The following LGR6 variants were observed in gnomAD, a reference collection of about 807,000 sequenced individuals.
The protein encoded by LGR6 is leucine rich repeat containing G protein-coupled receptor 6, also known as leucine-rich repeat-containing G protein-coupled receptor 6.
Under a neutral mutation model 69.4 loss-of-function variants are expected in LGR6, and 45 were observed. The observed-to-expected ratio is 0.65, with a 90% confidence interval of 0.51 to 0.83. LGR6 has a LOEUF of 0.83. LGR6 is among the 40% of genes least tolerant of loss of function. LGR6 has a pLI of 0.00. For synonymous variants in LGR6, 538 were observed against 555.0 expected (o/e 0.97, Z 0.43); for missense variants, 1,108 against 1,246.7 (o/e 0.89, Z 1.68).
chr1:202,238,690 T>C (rs1201989121), intron 4 of LGR6, among the ~76,000 whole-genome samples: 2 of 151,806 alleles, frequency 1.3e-5, no homozygotes, highest in Non-Finnish European at 2.9e-5. Flanking sequence ...CCCAAAGTGC[T>C]GGGATTACAG....
At chr1:202,214,350 C>T (rs1474657069) in intron 1 of LGR6, 16 of 1,082,450 alleles carry the variant, frequency 1.5e-5, no homozygotes, top group Non-Finnish European at 2.0e-5. Flanking sequence ...CGGGCCGGCC[C>T]TAATCCCCTT....
At position 202,318,601 on chromosome 1, in the gene LGR6, G is replaced by A. The variant is rs771171120; in HGVS notation, c.2298G>A (p.Val766=). 6 of 1,613,918 alleles carry A rather than the reference G, an allele frequency of 3.7e-6. No homozygotes were observed. The highest frequency in any genetic ancestry group is 4.2e-6 in the Non-Finnish European group (5 of 1,180,038). Residue 766 remains valine (V), a synonymous_variant, in exon 18 of 18, where the codon GTG becomes GTA. Coordinates refer to ENST00000367278, the MANE Select transcript of LGR6 (RefSeq NM_001017403.2). The stretch of plus-strand genomic sequence containing the variant: ...TGCCGCGGGGCGACTTTGAGGCCGT[G>A]TGGGACTGCGCCATGGTGAGGCACG... ...CDLPRGDFEA[V]WDCAMVRHVA... is the part of the protein sequence containing the mutation.
chr1:202,304,497 G>A, intron 10 of LGR6, 62 bp from the exon 11 acceptor site: 1 of 1,217,000 alleles, frequency 8.2e-7, no homozygotes, highest in East Asian at 2.4e-5. Flanking sequence ...AGCTGGAGCG[G>A]GGTGGCTGGG....
intron 5 of LGR6, among the ~76,000 whole-genome samples, chr1:202,279,308 C>T (rs1665828264): frequency 6.6e-6 from 1 of 152,286 alleles, no homozygotes; most frequent in African/African-American, 2.4e-5. Flanking sequence ...CTTCATGGAG[C>T]AGGTGGGTAA....
At chr1:202,223,423 C>T (rs1660302304) in intron 1 of LGR6, among the ~76,000 whole-genome samples, 1 of 152,138 alleles carries the variant, frequency 6.6e-6, no homozygotes, top group African/African-American at 2.4e-5. Context: ...ACACGCTCTC[C>T]AGGCTGTTCC....
chr1:202,207,584 G>A (rs1327463838), intron 1 of LGR6, among the ~76,000 whole-genome samples: 2 of 152,190 alleles, frequency 1.3e-5, no homozygotes, highest in African/African-American at 4.8e-5. Context: ...GATCCTGTGT[G>A]TGTTGGCCTC....
chr1:202,203,981 C>A lies in LGR6; in HGVS notation c.212+9780C>A, dbSNP rs1440205749. On this transcript the variant is annotated intron_variant, in intron 1 of 17. Transcript: ENST00000367278. ...CCAGGTAGTATTATGTTCACTATGT[C>A]TTTGTAGGGTGTGTGTGTCCCCATC... 1.4e-5 allele frequency: 11 copies of A among 789,498 alleles called. No individual in the cohort carries two copies. In the East Asian group the frequency reaches 2.5e-4, roughly 18 times the overall value. 48.9% of individuals were successfully genotyped at this position (789,498 alleles called of 1,614,324 possible). A position where few individuals can be genotyped will look rare whatever the true frequency, so the allele number is the denominator to read the frequency against.
chr1:202,242,128 A>G (rs976234684), intron 4 of LGR6, among the ~76,000 whole-genome samples: 33 of 152,184 alleles, frequency 2.2e-4, no homozygotes, highest in Non-Finnish European at 3.5e-4. Flanking sequence ...AGCACATTTC[A>G]ATATGCTAAG....
chr1:202,194,005 G>A lies in LGR6; in HGVS notation c.16G>A (p.Gly6Arg). The change falls in exon 1 of 18, where the codon GGG (glycine) becomes AGG (arginine). Residue 6 changes from glycine to arginine, a missense_variant. Gly to Arg is a moderately radical substitution (Grantham distance 125, BLOSUM62 -2). Coordinates refer to ENST00000367278, the MANE Select transcript of LGR6 (RefSeq NM_001017403.2). MPSPP[G>R]LRALWLCAAL... is the part of the protein sequence containing the mutation. ...GACCGCCGAGATGCCCAGCCCGCCG[G>A]GGCTCCGGGCGCTATGGCTTTGCGC... 1 of 1,376,994 alleles carries A rather than the reference G, an allele frequency of 7.3e-7. No homozygotes were observed. Among genetic ancestry groups the A allele is most frequent in the South Asian group, 1.6e-5 (1 of 61,954 alleles). 85.3% of individuals were successfully genotyped at this position (1,376,994 alleles called of 1,614,324 possible).
chr1:202,244,087 A>G (rs954968846), intron 4 of LGR6, among the ~76,000 whole-genome samples: 9 of 152,096 alleles, frequency 5.9e-5, no homozygotes, highest in Non-Finnish European at 1.2e-4. Flanking sequence ...CCTCCCAAGT[A>G]GCTGGGACTA....
chr1:202,205,782 C>T (rs947399898), intron 1 of LGR6, among the ~76,000 whole-genome samples: 5 of 147,324 alleles, frequency 3.4e-5, no homozygotes, highest in African/African-American at 7.6e-5. Context: ...CAAACACATA[C>T]GCACACCTCC....
intron 9 of LGR6, among the ~76,000 whole-genome samples, chr1:202,302,796 C>T (rs1484921754): frequency 1.1e-4 from 16 of 152,300 alleles, no homozygotes; most frequent in African/African-American, 3.6e-4. Flanking sequence ...ATCCGCCCGC[C>T]TCGGCCTCCC....
chr1:202,297,576 T>C lies in LGR6; in HGVS notation c.785T>C (p.Leu262Pro). 1 of 1,613,294 alleles carries C rather than the reference T, an allele frequency of 6.2e-7. No individual in the cohort carries two copies. The highest frequency in any genetic ancestry group is 8.5e-7 in the Non-Finnish European group (1 of 1,179,600). Residue 262 changes from leucine (L) to proline (P), a missense_variant and splice_region_variant, in exon 7 of 18, where the codon CTG (leucine) becomes CCG (proline). Leu to Pro is a moderately conservative substitution (Grantham distance 98). Transcript: ENST00000367278. ...CGGACCCTGGGCAGACTGCAGGAAC[T>C]GTAAGCGCCTCTTTTGGTTTCTGTG... The part of the protein sequence containing the change: ...AIRTLGRLQE[L>P]GFHNNNIKAI...
chr1:202,209,990 A>G (rs1659399202), intron 1 of LGR6, among the ~76,000 whole-genome samples: 1 of 152,252 alleles, frequency 6.6e-6, no homozygotes, highest in Non-Finnish European at 1.5e-5. Context: ...CCCTATGGAC[A>G]TCACGGTTGA....
At chr1:202,209,258 C>G (rs1011619195) in intron 1 of LGR6, among the ~76,000 whole-genome samples, 13 of 152,156 alleles carry the variant, frequency 8.5e-5, no homozygotes, top group Non-Finnish European at 1.8e-4. Flanking sequence ...AGGAAGGGAT[C>G]CTGGCCTATA....
intron 1 of LGR6, among the ~76,000 whole-genome samples, chr1:202,198,151 T>C (rs1420549639): frequency 6.6e-6 from 1 of 151,844 alleles, no homozygotes; most frequent in Non-Finnish European, 1.5e-5. Context: ...TGTGTGTGTC[T>C]GTGTGTGTGT....
chr1:202,271,794 G>A (rs1227852489), intron 4 of LGR6, among the ~76,000 whole-genome samples: 1 of 135,104 alleles, frequency 7.4e-6, no homozygotes, highest in Admixed American at 8.0e-5. Context: ...GGCAATAAGA[G>A]TGAAACTCTG....
intron 6 of LGR6, among the ~76,000 whole-genome samples, chr1:202,296,238 C>T (rs142510335): frequency 2.2e-4 from 34 of 152,114 alleles, no homozygotes; most frequent in African/African-American, 7.7e-4. Flanking sequence ...ACTAAGTCTT[C>T]CCCCAACCTA....
At chr1:202,304,107 G>A (rs778951684) in intron 10 of LGR6, among the ~76,000 whole-genome samples, 22 of 152,030 alleles carry the variant, frequency 1.4e-4, no homozygotes, top group Admixed American at 5.9e-4. Flanking sequence ...TCCCTCCTCC[G>A]AGGCACAGGG....
Sources: allele counts gnomAD v4.1 joint callset (sites outside exome capture counted in the v4.1 genomes callset), GRCh38; gene constraint gnomAD v4.1.1; transcripts MANE v1.5; gene names NCBI Gene and HGNC (gene_info 2026-07-23, HGNC 2026-07-21).